CDH18: variants seen among roughly 807,000 people sequenced by gnomAD.
CDH18 encodes cadherin 18, also known as cadherin-18.
A neutral mutation model predicts 67.9 loss-of-function variants in CDH18; 31 were observed. The ratio of observed to expected loss-of-function variants is 0.46; its 90% CI spans 0.34 to 0.62. The LOEUF is 0.62. CDH18 is among the 20% of genes least tolerant of loss of function. The pLI is 0.01. For synonymous variants in CDH18, 362 were observed against 347.2 expected, an observed-to-expected ratio of 1.04 and a Z score of -0.48; for missense variants, 890 against 975.5, an observed-to-expected ratio of 0.91 and a Z score of 1.17.
chr5:19,665,322 T>A (rs1757760053), intron 5 of CDH18, among the ~76,000 whole-genome samples: 1 of 152,014 alleles, frequency 6.6e-6, no homozygotes, highest in Non-Finnish European at 1.5e-5. Context: ...GGGAATAAGT[T>A]GTAAAATAAC....
intron 3 of CDH18, among the ~76,000 whole-genome samples, chr5:19,837,103 T>C (rs1197867197): frequency 6.6e-6 from 1 of 152,128 alleles, no homozygotes; most frequent in African/African-American, 2.4e-5. Context: ...GTTCATGTCC[T>C]TTGCAAGGAC....
intron 11 of CDH18, among the ~76,000 whole-genome samples, chr5:19,496,765 T>C (rs866724787): frequency 6.9e-6 from 1 of 145,648 alleles, no homozygotes; most frequent in Non-Finnish European, 1.5e-5. Flanking sequence ...TGAGCTGAGA[T>C]TGCACCACTG....
At chr5:20,076,941 G>A (rs1465511419) in intron 2 of CDH18, among the ~76,000 whole-genome samples, 3 of 152,148 alleles carry the variant, frequency 2.0e-5, no homozygotes, top group African/African-American at 7.2e-5. Context: ...AGCAAAAAGT[G>A]ACTTATGCAT....
chr5:20,075,284 C>CTGGTAGTCTG (rs1743828360), intron 2 of CDH18, among the ~76,000 whole-genome samples: 1 of 151,560 alleles, frequency 6.6e-6, no homozygotes, highest in African/African-American at 2.4e-5. Flanking sequence ...GCGGGTGGAT[C>CTGGTAGTCTG]ACGAGGTCAG....
At chr5:20,502,122 G>T (rs1754371016) in intron 1 of CDH18, among the ~76,000 whole-genome samples, 1 of 152,010 alleles carries the variant, frequency 6.6e-6, no homozygotes. Context: ...TCTAGCTTTA[G>T]ATTAGATTGC....
At chr5:20,088,573 T>C (rs1745167131) in intron 2 of CDH18, among the ~76,000 whole-genome samples, 1 of 152,142 alleles carries the variant, frequency 6.6e-6, no homozygotes, top group African/African-American at 2.4e-5. Flanking sequence ...TGTGTGGACA[T>C]GGCCAGCATA....
intron 3 of CDH18, among the ~76,000 whole-genome samples, chr5:19,759,822 G>C (rs1025680935): frequency 6.6e-6 from 1 of 152,074 alleles, no homozygotes; most frequent in African/African-American, 2.4e-5. Context: ...TAGGGGTACC[G>C]TTCTTCAAGG....
At chr5:20,478,588 A>G (rs1752590688) in intron 1 of CDH18, among the ~76,000 whole-genome samples, 1 of 152,184 alleles carries the variant, frequency 6.6e-6, no homozygotes, top group African/African-American at 2.4e-5. Flanking sequence ...AAGCAACAGA[A>G]TAGAGCACCA....
intron 2 of CDH18, among the ~76,000 whole-genome samples, chr5:20,055,021 T>C (rs1454252643): frequency 6.6e-6 from 1 of 152,158 alleles, no homozygotes; most frequent in African/African-American, 2.4e-5. Context: ...ACATCCTCCA[T>C]TGCAACATCA....
chr5:20,113,961 A>G (rs1747685125), intron 2 of CDH18, among the ~76,000 whole-genome samples: 1 of 152,216 alleles, frequency 6.6e-6, no homozygotes, highest in Non-Finnish European at 1.5e-5. Context: ...CTTTACCCCA[A>G]CAGTCTTTGG....
chr5:19,660,107 A>C (rs1756955032), intron 5 of CDH18, among the ~76,000 whole-genome samples: 1 of 152,126 alleles, frequency 6.6e-6, no homozygotes, highest in Non-Finnish European at 1.5e-5. Context: ...TCTTCACAAG[A>C]ATACGTGTAT....
intron 2 of CDH18, among the ~76,000 whole-genome samples, chr5:20,210,305 C>G (rs1190892941): frequency 6.6e-6 from 1 of 151,768 alleles, no homozygotes; most frequent in Non-Finnish European, 1.5e-5. Flanking sequence ...ACACATTTTT[C>G]TTAGTGAACA....
intron 8 of CDH18, among the ~76,000 whole-genome samples, chr5:19,551,609 T>A (rs1271693805): frequency 6.6e-6 from 1 of 152,154 alleles, no homozygotes; most frequent in African/African-American, 2.4e-5. Context: ...TAGGCCTTCA[T>A]AGAAAACAGC....
At chr5:19,656,025 T>C (rs1178838985) in intron 5 of CDH18, among the ~76,000 whole-genome samples, 4 of 148,632 alleles carry the variant, frequency 2.7e-5, no homozygotes, top group Non-Finnish European at 1.5e-5. Context: ...CAGACTTCTC[T>C]TGCCACACTA....
intron 2 of CDH18, among the ~76,000 whole-genome samples, chr5:20,130,184 G>A (rs557565831): frequency 6.6e-6 from 1 of 151,630 alleles, no homozygotes. Flanking sequence ...ATGAAAGGTA[G>A]TATACTACAG....
chr5:19,946,425 CAG>C (rs1403740472), intron 2 of CDH18, among the ~76,000 whole-genome samples: 3 of 152,080 alleles, frequency 2.0e-5, no homozygotes, highest in African/African-American at 7.2e-5. Flanking sequence ...TGTGTAAAAA[CAG>C]AGATCTATGC....
At chr5:20,443,234 A>G (rs923985391) in intron 1 of CDH18, among the ~76,000 whole-genome samples, 1 of 145,076 alleles carries the variant, frequency 6.9e-6, no homozygotes, top group Non-Finnish European at 1.5e-5. Context: ...AAAAAAAAGT[A>G]TATCTTTTGC....
chr5:20,254,046 G>A (rs1377832779), intron 2 of CDH18, among the ~76,000 whole-genome samples: 2 of 152,198 alleles, frequency 1.3e-5, no homozygotes, highest in Non-Finnish European at 2.9e-5. Flanking sequence ...CATGAGGCTA[G>A]TAGTAGACAT....
chr5:20,283,736 C>T (rs903172189), intron 1 of CDH18, among the ~76,000 whole-genome samples: 2 of 152,002 alleles, frequency 1.3e-5, no homozygotes, highest in African/African-American at 4.8e-5. Flanking sequence ...TATGATCCAG[C>T]AAATCCACTA....
Sources: allele counts gnomAD v4.1 joint callset (sites outside exome capture counted in the v4.1 genomes callset), GRCh38; gene constraint gnomAD v4.1.1; transcripts MANE v1.5; gene names NCBI Gene and HGNC (gene_info 2026-07-23, HGNC 2026-07-21).